Variants in CSNK1G3 observed in about 807,000 individuals in gnomAD.
CSNK1G3 encodes casein kinase 1 gamma 3, also known as casein kinase I isoform gamma-3.
Under a neutral mutation model 64.3 loss-of-function variants are expected in CSNK1G3, and 23 were observed. That is an observed-to-expected ratio of 0.36 (90% CI 0.26 to 0.51). The LOEUF (loss-of-function observed/expected upper bound fraction) is 0.51. Among genes scored for constraint, CSNK1G3 ranks in the 20% least tolerant of loss-of-function variants. The probability of loss-of-function intolerance (pLI) is 0.96; values close to 1 mark genes in which losing one functional copy is unlikely to be tolerated. For synonymous variants in CSNK1G3, 158 were observed against 162.2 expected (o/e 0.97, Z 0.20); for missense variants, 357 against 510.5 (o/e 0.70, Z 2.90).
chr5:123,541,903 G>T (rs1581011451), intron 1 of CSNK1G3, among the ~76,000 whole-genome samples: 1 of 151,478 alleles, frequency 6.6e-6, no homozygotes, highest in South Asian at 2.1e-4. Context: ...TTTCTCTTCT[G>T]TTGTTTCAAC....
intron 1 of CSNK1G3, among the ~76,000 whole-genome samples, chr5:123,518,265 T>C (rs1380041600): frequency 6.6e-6 from 1 of 152,248 alleles, no homozygotes; most frequent in Non-Finnish European, 1.5e-5. Context: ...GAACTTTCAG[T>C]TGAAGGAGCA....
intron 6 of CSNK1G3, among the ~76,000 whole-genome samples, chr5:123,580,216 C>CCATT (rs1789983399): frequency 6.6e-6 from 1 of 151,924 alleles, no homozygotes; most frequent in African/African-American, 2.4e-5. Context: ...ATCTTTCCAT[C>CCATT]CATTCATTCA....
chr5:123,612,747 A>G (rs1056580528), intron 12 of CSNK1G3, among the ~76,000 whole-genome samples: 2 of 152,148 alleles, frequency 1.3e-5, no homozygotes, highest in African/African-American at 4.8e-5. Flanking sequence ...AAGTGCTGGG[A>G]TTACACGCAT....
At chr5:123,525,840 A>G (rs1778959867) in intron 1 of CSNK1G3, among the ~76,000 whole-genome samples, 1 of 151,574 alleles carries the variant, frequency 6.6e-6, no homozygotes, top group African/African-American at 2.4e-5. Flanking sequence ...AAAAAAACAA[A>G]CAAAAAAATT....
exon 2 of CSNK1G3, chr5:123,545,731 G>T (rs1782414705): frequency 6.2e-7 from 1 of 1,613,644 alleles, no homozygotes; most frequent in Non-Finnish European, 8.5e-7. Flanking sequence ...GGTCGATCGG[G>T]ACACAACACT....
At chr5:123,599,052 C>T (rs1259150012) in intron 10 of CSNK1G3, among the ~76,000 whole-genome samples, 1 of 152,106 alleles carries the variant, frequency 6.6e-6, no homozygotes, top group Non-Finnish European at 1.5e-5. Flanking sequence ...TTAAAATATA[C>T]CACTGACAAC....
rs144957358 is a variant in CSNK1G3 at position 123,588,114 on chromosome 5, G to A, written c.720G>A (p.Met240Ile). ...TAGAAGCTTTAGGTCATATGTTCAT[G>A]TATTTTCTGAGAGGCAGTCTTCCTT... is the stretch of plus-strand genomic sequence containing the variant. The change falls in exon 7 of 13, where the codon ATG becomes ATA. Residue 240 changes from methionine to isoleucine, a missense_variant. This residue lies in a region of CSNK1G3 where 128 missense variants were observed against 250.4 expected (regional missense o/e 0.51). Coordinates refer to ENST00000345990, the Ensembl canonical transcript of CSNK1G3. 5.1e-5 allele frequency: 81 copies of A among 1,602,320 alleles called. No homozygotes were observed. Among genetic ancestry groups the A allele is most frequent in the Non-Finnish European group, 6.9e-5 (81 of 1,175,790 alleles).
chr5:123,575,186 G>C (rs966555164), intron 5 of CSNK1G3, among the ~76,000 whole-genome samples: 1 of 151,988 alleles, frequency 6.6e-6, no homozygotes, highest in African/African-American at 2.4e-5. Context: ...GATCTTTCTA[G>C]CTTCAAGATT....
At chr5:123,541,477 G>A (rs1781668171) in intron 1 of CSNK1G3, among the ~76,000 whole-genome samples, 1 of 152,160 alleles carries the variant, frequency 6.6e-6, no homozygotes, top group African/African-American at 2.4e-5. Flanking sequence ...TGCCCAGGCT[G>A]GAGTGCAGTG....
intron 10 of CSNK1G3, among the ~76,000 whole-genome samples, chr5:123,592,439 G>A (rs748383811): frequency 1.6e-4 from 25 of 151,794 alleles, no homozygotes; most frequent in Non-Finnish European, 4.4e-5. Context: ...TTTGGGCAAT[G>A]TTTTAATTTT....
intron 10 of CSNK1G3, among the ~76,000 whole-genome samples, chr5:123,601,556 A>G (rs1288248098): frequency 6.6e-6 from 1 of 152,214 alleles, no homozygotes; most frequent in African/African-American, 2.4e-5. Flanking sequence ...TTTCAATAAA[A>G]TAAAGTTTAC....
In CSNK1G3 at chr5:123,542,000, G is replaced by A. The variant is rs551849437; in HGVS notation, c.-247-3417G>A. 6.6e-5 allele frequency among the ~76,000 whole-genome samples: 10 copies of A among 151,794 alleles called. No individual in the cohort carries two copies. In the South Asian group the frequency reaches 1.5e-3, roughly 22 times the overall value. ...ACTAATTTTTTATTGTTTGAACTAG[G>A]TATTAAAATGTGCGTTTTAACTTAT... is the stretch of plus-strand genomic sequence containing the variant. On this transcript the variant is annotated intron_variant, in intron 1 of 12. Transcript: ENST00000345990.
Position 123,575,710 on chromosome 5 carries a change from C to A in CSNK1G3, c.439-19C>A. On this transcript the variant is annotated intron_variant, in intron 5 of 12. Transcript: ENST00000345990. ...CAAAGCCCAAAATAAAACTTCTCTT[C>A]TTTTTTTCTTAAACCAAGATTTCTC... is the stretch of plus-strand genomic sequence containing the variant. 1 of 1,550,184 alleles carries A rather than the reference C, an allele frequency of 6.5e-7. No homozygotes were observed. The highest frequency in any genetic ancestry group is 1.1e-5 in the South Asian group (1 of 88,466).
chr5:123,515,767 T>G (rs1445737420), intron 1 of CSNK1G3, among the ~76,000 whole-genome samples: 3 of 152,146 alleles, frequency 2.0e-5, no homozygotes. Context: ...CTCTTAGTAT[T>G]CAAAAAGGAC....
chr5:123,573,484 T>C (rs947423256), exon 5 of CSNK1G3: 2 of 1,613,798 alleles, frequency 1.2e-6, no homozygotes, highest in African/African-American at 2.7e-5. Context: ...AAGACTTGTT[T>C]GACTTGTGTG....
chr5:123,601,554 A>G (rs1794502563), intron 10 of CSNK1G3, among the ~76,000 whole-genome samples: 1 of 152,204 alleles, frequency 6.6e-6, no homozygotes, highest in Non-Finnish European at 1.5e-5. Flanking sequence ...CATTTCAATA[A>G]AATAAAGTTT....
At chr5:123,512,256 T>C (rs1776289332) in exon 1 of CSNK1G3, 1 of 152,346 alleles carries the variant, frequency 6.6e-6, no homozygotes, top group African/African-American at 2.4e-5. Flanking sequence ...AGCGAGGCGC[T>C]GCTGTGCATT....
chr5:123,584,957 T>C (rs1309579487), intron 6 of CSNK1G3, among the ~76,000 whole-genome samples: 1 of 152,218 alleles, frequency 6.6e-6, no homozygotes, highest in Non-Finnish European at 1.5e-5. Context: ...TGTGTTTCTT[T>C]CTTTTAGCCT....
rs117355307 is a variant in CSNK1G3, at chr5:123,613,883, T to A, written c.1218-459T>A. On this transcript the variant is annotated intron_variant, in intron 12 of 12. Coordinates refer to ENST00000345990, the Ensembl canonical transcript of CSNK1G3. ...TATTCTATATAATGTATTTTCTGTC[T>A]TTCACTTTTTTAATATGATGGAAAA... 4.1e-4 allele frequency among the ~76,000 whole-genome samples: 62 copies of A among 152,336 alleles called. 1 individual carries two copies. In the East Asian group the frequency reaches 0.011, roughly 28 times the overall value.
Sources: allele counts gnomAD v4.1 joint callset (sites outside exome capture counted in the v4.1 genomes callset), GRCh38; gene constraint gnomAD v4.1.1; regional missense constraint gnomAD v4.1.1; transcripts MANE v1.5; gene names NCBI Gene and HGNC (gene_info 2026-07-23, HGNC 2026-07-21).